Variants in THAP8 observed in about 807,000 individuals in gnomAD.
THAP8 encodes THAP domain-containing protein 8.
In THAP8, 24 loss-of-function variants were observed where a neutral mutation model predicts 25.0. That is an observed-to-expected ratio of 0.96 (90% CI 0.69 to 1.35). The LOEUF (loss-of-function observed/expected upper bound fraction) is 1.35. Ranked by LOEUF, THAP8 falls within the 40% of genes most tolerant of loss-of-function variation. THAP8 has a pLI of 0.00. For missense variants in THAP8, 399 were observed against 368.8 expected, an observed-to-expected ratio of 1.08 and a Z score of -0.67; for synonymous variants, 169 against 157.6, an observed-to-expected ratio of 1.07 and a Z score of -0.54.
chr19:36,052,446 C>CA (rs1445490926), intron 1 of THAP8, among the ~76,000 whole-genome samples: 1 of 152,222 alleles, frequency 6.6e-6, no homozygotes, highest in Non-Finnish European at 1.5e-5. Flanking sequence ...CTGTCTTCCA[C>CA]AAAACCAGTC....
intron 3 of THAP8, among the ~76,000 whole-genome samples, chr19:36,036,153 CCA>C (rs1969433844): frequency 1.3e-5 from 2 of 152,116 alleles, no homozygotes; most frequent in African/African-American, 4.8e-5. Flanking sequence ...GTGCCCCAGG[CCA>C]CAGTCTCAAA....
chr19:36,040,472 G>A lies in THAP8; in HGVS notation c.84-336C>T, dbSNP rs150810306. Among the ~76,000 whole-genome samples, 729 of 152,124 alleles carry A rather than the reference G, an allele frequency of 4.8e-3. 6 individuals are homozygous for A. Among genetic ancestry groups the A allele is most frequent in the African/African-American group, 0.016 (661 of 41,484 alleles). ...CTCCTGAGTAGCTGGGACTACAGGC[G>A]CACGCCACCACGCCCGGCTAATTTT... is the stretch of plus-strand genomic sequence containing the variant. On this transcript the variant is annotated intron_variant, in intron 1 of 3. Transcript: ENST00000292894.
Position 36,035,394 on chromosome 19 carries a change from C to T in THAP8, c.*46G>A. The T allele has an allele frequency of 6.3e-7, 1 of 1,587,190 alleles. No individual in the cohort carries two copies. Among genetic ancestry groups the T allele is most frequent in the South Asian group, 1.1e-5 (1 of 88,678 alleles). ...CAAGCCCACGTATAATGTCTTTCCT[C>T]CTCCATCTTCTATCTTTTGTCCCTC... On this transcript the variant is annotated 3_prime_UTR_variant, in exon 4 of 4. Coordinates refer to ENST00000292894, the MANE Select transcript of THAP8 (RefSeq NM_152658.3).
rs1165313683 is a variant in THAP8 at position 36,041,140 on chromosome 19, G to A, written c.84-1004C>T. On this transcript the variant is annotated intron_variant, in intron 1 of 3. Coordinates refer to ENST00000292894, the MANE Select transcript of THAP8 (RefSeq NM_152658.3). ...AGCCTGGGCAACATAGGGAGACCTC[G>A]ACTCTACAAAAAAAAAAAAAAATTA... is the stretch of plus-strand genomic sequence containing the variant. Among the ~76,000 whole-genome samples, 19 of 146,852 alleles carry A rather than the reference G, an allele frequency of 1.3e-4. No homozygotes were observed. The South Asian group carries it at 3.2e-3, about 25-fold the overall frequency.
At chr19:36,036,194 T>C (rs374841911) in intron 3 of THAP8, among the ~76,000 whole-genome samples, 4 of 151,270 alleles carry the variant, frequency 2.6e-5, no homozygotes, top group African/African-American at 7.3e-5. Flanking sequence ...AGCCACACTG[T>C]AGCTCCAGCC....
chr19:36,053,734 G>A (rs564472591), intron 1 of THAP8, among the ~76,000 whole-genome samples: 1 of 152,146 alleles, frequency 6.6e-6, no homozygotes, highest in Non-Finnish European at 1.5e-5. Flanking sequence ...CAAGAAGAAT[G>A]AAGCACGCTA....
intron 2 of THAP8, 103 bp from the exon 3 acceptor site, chr19:36,039,821 C>A: frequency 6.5e-7 from 1 of 1,541,562 alleles, no homozygotes; most frequent in Admixed American, 2.2e-5. Flanking sequence ...CTAGGTAAGG[C>A]CAGACCTCAG....
At chr19:36,044,742 T>C (rs767064630) in intron 1 of THAP8, among the ~76,000 whole-genome samples, 85 of 152,164 alleles carry the variant, frequency 5.6e-4, no homozygotes, top group Non-Finnish European at 1.1e-3. Flanking sequence ...ATCTCCCACG[T>C]TGGCCTCCCA....
rs940663590 is a variant in THAP8 at position 36,035,377 on chromosome 19, C to A, written c.*63G>T. 2 of 1,554,166 alleles carry A rather than the reference C, an allele frequency of 1.3e-6. No individual in the cohort carries two copies. The highest frequency in any genetic ancestry group is 1.7e-6 in the Non-Finnish European group (2 of 1,144,392). On this transcript the variant is annotated 3_prime_UTR_variant, in exon 4 of 4. Coordinates refer to ENST00000292894, the MANE Select transcript of THAP8 (RefSeq NM_152658.3). ...GGGCGGTGGGGCTGGGCCAAGCCCA[C>A]GTATAATGTCTTTCCTCCTCCATCT...
intron 1 of THAP8, among the ~76,000 whole-genome samples, chr19:36,051,246 G>C (rs2145460855): frequency 6.6e-6 from 1 of 152,298 alleles, no homozygotes; most frequent in South Asian, 2.1e-4. Flanking sequence ...CACACTACAG[G>C]AACATGAAGT....
At chr19:36,036,196 G>T (rs1568548173) in intron 3 of THAP8, among the ~76,000 whole-genome samples, 2 of 151,286 alleles carry the variant, frequency 1.3e-5, no homozygotes, top group East Asian at 3.9e-4. Context: ...CCACACTGTA[G>T]CTCCAGCCAA....
At position 36,035,603 on chromosome 19, in the gene THAP8, G is replaced by T. The variant is rs1391125796; in HGVS notation, c.673-11C>A. On this transcript the variant is annotated splice_polypyrimidine_tract_variant and intron_variant, in intron 3 of 3. Transcript: ENST00000292894. ...GGTCTGGGCTGTTGTCTAAGGCAAA[G>T]AAGTGGTAGAGATGGGGAACATTAC... 3.7e-6 allele frequency: 6 copies of T among 1,610,718 alleles called. No homozygotes were observed. The highest frequency in any genetic ancestry group is 5.1e-6 in the Non-Finnish European group (6 of 1,177,572).
At chr19:36,054,066 C>G (rs1202889200) in intron 1 of THAP8, 69 bp downstream of exon 1, 3 of 1,532,120 alleles carry the variant, frequency 2.0e-6, no homozygotes, top group Non-Finnish European at 2.7e-6. Context: ...CGCACAGCAG[C>G]ACTAATGCTC....
intron 3 of THAP8, among the ~76,000 whole-genome samples, chr19:36,038,992 A>G (rs1369433517): frequency 1.3e-5 from 2 of 152,242 alleles, no homozygotes; most frequent in African/African-American, 4.8e-5. Flanking sequence ...AAATGGAGCA[A>G]TCATTACTCA....
chr19:36,041,823 G>A (rs1212899325), intron 1 of THAP8, among the ~76,000 whole-genome samples: 1 of 152,150 alleles, frequency 6.6e-6, no homozygotes, highest in Non-Finnish European at 1.5e-5. Flanking sequence ...GCTTGTGTCT[G>A]TAATCCCAGC....
intron 1 of THAP8, among the ~76,000 whole-genome samples, chr19:36,049,699 G>C (rs117670111): frequency 6.6e-6 from 1 of 152,072 alleles, no homozygotes; most frequent in Non-Finnish European, 1.5e-5. Flanking sequence ...AAAGCACTTA[G>C]AACAGTGCCT....
chr19:36,051,933 T>C (rs1029609000), intron 1 of THAP8, among the ~76,000 whole-genome samples: 1 of 152,200 alleles, frequency 6.6e-6, no homozygotes, highest in Non-Finnish European at 1.5e-5. Context: ...TTCCGCCTCC[T>C]GTCAGAGCAG....
Position 36,039,520 on chromosome 19 carries a change from G to A in THAP8, c.475C>T (p.Arg159Trp), listed in dbSNP as rs763631890. The change falls in exon 3 of 4, where the codon CGG (arginine) becomes TGG (tryptophan). Residue 159 changes from arginine to tryptophan, a missense_variant. By Grantham distance (101) the Arg-to-Trp change is moderately radical. Transcript: ENST00000292894. The part of the protein sequence containing the change: ...TPLAPAPTPE[R>W]SQPEVPAQQA... ...TGGGCAGGGACTTCAGGTTGTGACC[G>A]CTCAGGAGTTGGCGCAGGGGCCAGG... 39 of 1,567,506 alleles carry A rather than the reference G, an allele frequency of 2.5e-5. No individual in the cohort carries two copies. In the Admixed American group the frequency reaches 3.0e-4, roughly 12 times the overall value.
chr19:36,050,263 C>T (rs373497656), intron 1 of THAP8, among the ~76,000 whole-genome samples: 62 of 152,220 alleles, frequency 4.1e-4, no homozygotes, highest in African/African-American at 1.4e-3. Flanking sequence ...TCTCACCTCA[C>T]TGTCTCATGT....
Sources: gnomAD v4.1 joint callset for allele counts (sites outside exome capture counted in the v4.1 genomes callset) on GRCh38, gnomAD v4.1.1 for gene constraint, MANE v1.5 for transcripts, NCBI Gene and HGNC (gene_info 2026-07-23, HGNC 2026-07-21) for gene names.